The following PDGFC variants were observed in gnomAD, a reference collection of about 807,000 sequenced individuals.
The protein encoded by PDGFC is platelet-derived growth factor C.
A neutral mutation model predicts 35.5 loss-of-function variants in PDGFC; 12 were observed. The ratio of observed to expected loss-of-function variants is 0.34; its 90% CI spans 0.22 to 0.55. PDGFC has a LOEUF of 0.55. Among genes scored for constraint, PDGFC ranks in the 20% least tolerant of loss-of-function variants. The pLI is 0.91. For missense variants in PDGFC, 322 were observed against 412.4 expected (o/e 0.78, Z 1.90); for synonymous variants, 159 against 148.8 (o/e 1.07, Z -0.50).
intron 2 of PDGFC, among the ~76,000 whole-genome samples, chr4:156,815,223 T>C (rs1409018324): frequency 8.9e-6 from 1 of 112,710 alleles, no homozygotes; most frequent in African/African-American, 5.7e-5. Flanking sequence ...AAATATATAA[T>C]TCCAAATTCA....
chr4:156,949,083 T>C (rs1441063403), intron 1 of PDGFC, among the ~76,000 whole-genome samples: 3 of 151,954 alleles, frequency 2.0e-5, no homozygotes, highest in African/African-American at 4.8e-5. Flanking sequence ...ATCCAGTTCC[T>C]TGGTGATTTC....
At chr4:156,866,594 A>G (rs1441032265) in intron 1 of PDGFC, among the ~76,000 whole-genome samples, 1 of 152,078 alleles carries the variant, frequency 6.6e-6, no homozygotes, top group Non-Finnish European at 1.5e-5. Context: ...AATTTCATGC[A>G]TACACTACAT....
intron 1 of PDGFC, among the ~76,000 whole-genome samples, chr4:156,902,268 G>T (rs1365554975): frequency 2.0e-5 from 3 of 152,130 alleles, no homozygotes; most frequent in Non-Finnish European, 4.4e-5. Context: ...GTTCAGAAAA[G>T]ATTCTAATAA....
intron 2 of PDGFC, among the ~76,000 whole-genome samples, chr4:156,815,278 A>G (rs1229846931): frequency 6.6e-6 from 1 of 151,738 alleles, no homozygotes; most frequent in Non-Finnish European, 1.5e-5. Context: ...CACAATAACT[A>G]TTAAGACATC....
At chr4:156,799,546 A>G (rs1731540138) in intron 3 of PDGFC, among the ~76,000 whole-genome samples, 1 of 152,176 alleles carries the variant, frequency 6.6e-6, no homozygotes, top group African/African-American at 2.4e-5. Flanking sequence ...ACACATTCTG[A>G]GGTGTTTAAT....
chr4:156,828,292 A>G (rs1269797814), intron 2 of PDGFC, among the ~76,000 whole-genome samples: 1 of 152,164 alleles, frequency 6.6e-6, no homozygotes, highest in African/African-American at 2.4e-5. Flanking sequence ...CACCTGACAC[A>G]TGCCCCATCT....
intron 1 of PDGFC, among the ~76,000 whole-genome samples, chr4:156,942,405 T>C (rs1465642536): frequency 1.3e-5 from 2 of 152,024 alleles, no homozygotes; most frequent in Admixed American, 1.3e-4. Flanking sequence ...GCTCTAGAAA[T>C]ACTTGAAAAT....
chr4:156,954,564 T>C (rs182043128), intron 1 of PDGFC, among the ~76,000 whole-genome samples: 38 of 152,100 alleles, frequency 2.5e-4, no homozygotes, highest in East Asian at 2.3e-3. Flanking sequence ...CTATAATAAA[T>C]TGATTGCAAT....
intron 1 of PDGFC, among the ~76,000 whole-genome samples, chr4:156,858,066 G>C (rs576102886): frequency 1.3e-5 from 2 of 152,004 alleles, no homozygotes; most frequent in Non-Finnish European, 2.9e-5. Flanking sequence ...TATATGTTTG[G>C]GTTTACCTGG....
intron 2 of PDGFC, among the ~76,000 whole-genome samples, chr4:156,816,563 A>C (rs967133653): frequency 6.6e-6 from 1 of 152,172 alleles, no homozygotes; most frequent in Non-Finnish European, 1.5e-5. Flanking sequence ...TAACTCATTT[A>C]ATCCTCACAA....
chr4:156,782,798 T>C (rs1731018672), intron 3 of PDGFC, among the ~76,000 whole-genome samples: 1 of 152,126 alleles, frequency 6.6e-6, no homozygotes, highest in Non-Finnish European at 1.5e-5. Flanking sequence ...CTTCTATTGA[T>C]ACAAGCAAGA....
Position 156,971,466 on chromosome 4 carries a change from G to A in PDGFC, c.-563C>T. 1 of 289,324 alleles carries A rather than the reference G, an allele frequency of 3.5e-6. No homozygotes were observed. The highest frequency in any genetic ancestry group is 6.4e-6 in the Non-Finnish European group (1 of 157,468). 17.9% of individuals were successfully genotyped at this position (289,324 alleles called of 1,614,324 possible). A position where few individuals can be genotyped will look rare whatever the true frequency, so the allele number is the denominator to read the frequency against. ...AGAAACAAGGCGAGGGCGCCGCGGC[G>A]GGTCCCACGGGCCGGGGCGCCGGAG... On this transcript the variant is annotated 5_prime_UTR_variant, in exon 1 of 6. Transcript: ENST00000502773.
rs578109000 is a variant in PDGFC at position 156,904,601 on chromosome 4, A to G, written c.119-54185T>C. Among the ~76,000 whole-genome samples the G allele has an allele frequency of 5.9e-5, 9 of 152,204 alleles. No homozygotes were observed. The South Asian group carries it at 1.9e-3, about 32-fold the overall frequency. The stretch of plus-strand genomic sequence containing the variant: ...TATGTGACATATCTTAGTAGATACA[A>G]AGACATATAAGAGAATTTCACCATC... On this transcript the variant is annotated intron_variant, in intron 1 of 5. Transcript: ENST00000502773.
intron 2 of PDGFC, among the ~76,000 whole-genome samples, chr4:156,815,361 C>T (rs1182182320): frequency 6.7e-6 from 1 of 148,504 alleles, no homozygotes; most frequent in African/African-American, 2.5e-5. Context: ...CACACACACA[C>T]ACACACCCCG....
At chr4:156,763,291 G>A in intron 5 of PDGFC, 85 bp from the exon 6 acceptor site, 2 of 525,754 alleles carry the variant, frequency 3.8e-6, no homozygotes, top group Non-Finnish European at 3.6e-6. Flanking sequence ...TTTTAGAAAA[G>A]AATCTTGGGG....
intron 3 of PDGFC, among the ~76,000 whole-genome samples, chr4:156,788,762 T>C (rs917520540): frequency 3.3e-5 from 5 of 152,228 alleles, no homozygotes; most frequent in Non-Finnish European, 5.9e-5. Context: ...AAAACCATTT[T>C]TCAGAAATGG....
Position 156,850,352 on chromosome 4 carries a change from T to C in PDGFC, c.183A>G (p.Pro61=). 1 of 1,609,688 alleles carries C rather than the reference T, an allele frequency of 6.2e-7. No homozygotes were observed. The highest frequency in any genetic ancestry group is 8.5e-7 in the Non-Finnish European group (1 of 1,177,070). The change falls in exon 2 of 6, where the codon CCA becomes CCG. Residue 61 remains proline, a synonymous_variant. Transcript: ENST00000502773. ...TVSTNGSIHS[P]RFPHTYPRNT... ...TTCTTGGATAAGTATGAGGAAACCT[T>C]GGGCTGTGAATACTTCCATTAGTAG...
chr4:156,878,460 C>G (rs1419738709), intron 1 of PDGFC, among the ~76,000 whole-genome samples: 1 of 152,120 alleles, frequency 6.6e-6, no homozygotes, highest in Non-Finnish European at 1.5e-5. Context: ...ATCTAAATAA[C>G]ATAATTCCTT....
chr4:156,856,004 G>A (rs1729571489), intron 1 of PDGFC, among the ~76,000 whole-genome samples: 1 of 151,992 alleles, frequency 6.6e-6, no homozygotes, highest in South Asian at 2.1e-4. Flanking sequence ...AAACTATATA[G>A]AATTACTCCA....
Sources: gnomAD v4.1 joint callset for allele counts (sites outside exome capture counted in the v4.1 genomes callset) on GRCh38, gnomAD v4.1.1 for gene constraint, MANE v1.5 for transcripts, NCBI Gene and HGNC (gene_info 2026-07-23, HGNC 2026-07-21) for gene names.